Variants in EHD3 observed in about 807,000 individuals in gnomAD.
EHD3 encodes EH domain-containing protein 3.
A neutral mutation model predicts 43.0 loss-of-function variants in EHD3; 17 were observed. That is an observed-to-expected ratio of 0.40 (90% CI 0.27 to 0.59). The LOEUF (loss-of-function observed/expected upper bound fraction) is 0.59. Among genes scored for constraint, EHD3 ranks in the 20% least tolerant of loss-of-function variants. The pLI is 0.49. For synonymous variants in EHD3, 313 were observed against 289.5 expected, an observed-to-expected ratio of 1.08 and a Z score of -0.82; for missense variants, 594 against 705.6, an observed-to-expected ratio of 0.84 and a Z score of 1.79.
At chr2:31,265,272 G>A (rs672734) in intron 5 of EHD3, among the ~76,000 whole-genome samples, 17,898 of 152,144 alleles carry the variant, frequency 0.12, 1,138 homozygotes, top group African/African-American at 0.13. Context: ...TAACATAGCC[G>A]TTATCATTAT....
Position 31,235,721 on chromosome 2 carries a change from A to G in EHD3, c.227+873A>G, listed in dbSNP as rs565158959. On this transcript the variant is annotated intron_variant, in intron 1 of 5. Coordinates refer to ENST00000322054, the MANE Select transcript of EHD3 (RefSeq NM_014600.3). ...GTCATCCATTCCCTTCAATTACAGA[A>G]TCCTTGGGCTGGAGGGAGGCTCAAG... is the stretch of plus-strand genomic sequence containing the variant. Among the ~76,000 whole-genome samples the G allele has an allele frequency of 1.8e-4, 27 of 152,298 alleles. 1 individual carries two copies. The Middle Eastern group carries it at 0.027, about 153-fold the overall frequency.
intron 1 of EHD3, among the ~76,000 whole-genome samples, chr2:31,241,469 A>C (rs1240301881): frequency 6.6e-6 from 1 of 152,200 alleles, no homozygotes. Flanking sequence ...TAGGTAATTT[A>C]AGGTACTGGT....
chr2:31,243,460 C>CTTTTTTTTTTT (rs1309146980), intron 1 of EHD3, among the ~76,000 whole-genome samples: 1,192 of 98,204 alleles, frequency 0.012, 22 homozygotes, highest in East Asian at 0.014. Context: ...TTCTTTCTTT[C>CTTTTTTTTTTT]TTTTTTTTTT....
rs1295245920 is a variant in EHD3 at position 31,266,058 on chromosome 2, T to A, written c.1081-119T>A. ...ATCAGCTGAGCCTCTAGGTCACAGG[T>A]CTTTCATTGTAGAAAGGGATCAGCT... On this transcript the variant is annotated intron_variant, in intron 5 of 5. Coordinates refer to ENST00000322054, the MANE Select transcript of EHD3 (RefSeq NM_014600.3). This position sits in a 1 kb window ranked among gnomAD's most constrained non-coding sequence, Gnocchi z 5.1. 14 of 1,291,078 alleles carry A rather than the reference T, an allele frequency of 1.1e-5. No individual in the cohort carries two copies. Among genetic ancestry groups the A allele is most frequent in the Non-Finnish European group, 1.4e-5 (13 of 951,942 alleles). The allele number at this position is 1,291,078 out of a possible 1,614,324, so 80.0% of individuals were successfully genotyped here. A position where few individuals can be genotyped will look rare whatever the true frequency, so the allele number is the denominator to read the frequency against.
At chr2:31,259,805 T>A (rs1296507035) in intron 3 of EHD3, among the ~76,000 whole-genome samples, 2 of 152,214 alleles carry the variant, frequency 1.3e-5, no homozygotes, top group African/African-American at 4.8e-5. Flanking sequence ...TTGTGTCAGA[T>A]TAGGTGTCCA....
At chr2:31,247,353 CAA>C (rs11286751) in intron 2 of EHD3, among the ~76,000 whole-genome samples, 13,067 of 149,248 alleles carry the variant, frequency 0.088, 687 homozygotes, top group South Asian at 0.16. Context: ...ATATATTTTA[CAA>C]AAAAAAAAAT....
At chr2:31,239,884 T>G (rs1430745337) in intron 1 of EHD3, among the ~76,000 whole-genome samples, 2 of 151,886 alleles carry the variant, frequency 1.3e-5, no homozygotes, top group Middle Eastern at 3.2e-3. Context: ...CTCAGGAAGG[T>G]GCGGGAAGGC....
At chr2:31,259,309 G>A (rs1300666301) in intron 3 of EHD3, among the ~76,000 whole-genome samples, 3 of 152,250 alleles carry the variant, frequency 2.0e-5, no homozygotes, top group East Asian at 1.9e-4. Flanking sequence ...TGTGCCCTTC[G>A]ACAAATCACT....
intron 3 of EHD3, among the ~76,000 whole-genome samples, chr2:31,250,737 C>T (rs966685287): frequency 1.3e-4 from 20 of 152,154 alleles, no homozygotes; most frequent in South Asian, 4.1e-4. Context: ...AATCAGATGA[C>T]GCCATGCCCA....
rs765621773 is a variant in EHD3 at position 31,260,716 on chromosome 2, A to T, written c.709A>T (p.Met237Leu). The T allele has an allele frequency of 6.2e-7, 1 of 1,614,144 alleles. No homozygotes were observed. The highest frequency in any genetic ancestry group is 8.5e-7 in the Non-Finnish European group (1 of 1,180,012). ...GCTGATGCGGGTGTACGGGGCCCTC[A>T]TGTGGTCCTTGGGGAAGATCGTGAA... ...QQLMRVYGALMWSLGKIVNTP... is the reference protein window; with the variant it reads ...QQLMRVYGALLWSLGKIVNTP... Residue 237 changes from methionine to leucine, a missense_variant, in exon 4 of 6, where the codon ATG (methionine) becomes TTG (leucine). Transcript: ENST00000322054. This position sits in a 1 kb window ranked among gnomAD's most constrained non-coding sequence, Gnocchi z 4.6.
chr2:31,261,519 T>G, intron 4 of EHD3, 30 bp from the exon 5 acceptor site: 1 of 1,613,226 alleles, frequency 6.2e-7, no homozygotes, highest in African/African-American at 1.3e-5. Flanking sequence ...GGTCTTGATG[T>G]GAAGGCTTCT....
intron 5 of EHD3, among the ~76,000 whole-genome samples, chr2:31,262,462 A>G (rs1466430251): frequency 1.3e-5 from 2 of 152,200 alleles, no homozygotes; most frequent in Non-Finnish European, 2.9e-5. Context: ...AGGTGTTGTG[A>G]GCATCAGTGA....
chr2:31,264,352 C>T (rs913933321), intron 5 of EHD3, among the ~76,000 whole-genome samples: 1 of 152,080 alleles, frequency 6.6e-6, no homozygotes, highest in African/African-American at 2.4e-5. Context: ...ATGGAGCTTG[C>T]AGAACTGGAA....
chr2:31,263,998 C>T (rs1344698258), intron 5 of EHD3, among the ~76,000 whole-genome samples: 2 of 152,172 alleles, frequency 1.3e-5, no homozygotes, highest in East Asian at 3.9e-4. Flanking sequence ...ATCGGCATGC[C>T]CACCTGCCTG....
chr2:31,251,633 G>A lies in EHD3; in HGVS notation c.502+2165G>A, dbSNP rs548970147. 4.0e-4 allele frequency among the ~76,000 whole-genome samples: 61 copies of A among 152,224 alleles called. 1 individual carries two copies. The highest frequency in any genetic ancestry group is 1.4e-3 in the African/African-American group (58 of 41,526). On this transcript the variant is annotated intron_variant, in intron 3 of 5. Transcript: ENST00000322054. ...ACATCACAGTGTCACCTGGGAAGGG[G>A]GTCTTGGAAGACTTGATCTCCTGGC...
rs370390199 is a variant in EHD3, at chr2:31,260,489, T to C, written c.503-21T>C. On this transcript the variant is annotated intron_variant, in intron 3 of 5. Coordinates refer to ENST00000322054, the MANE Select transcript of EHD3 (RefSeq NM_014600.3). The surrounding 1 kb of genome is among the most constrained non-coding windows in gnomAD (Gnocchi z 4.6). ...CCTATACCCCAAAGGCCCCAGCCCC[T>C]GATTGTCCCTCTGCCGGCAGGGTAT... is the stretch of plus-strand genomic sequence containing the variant. 7.4e-5 allele frequency: 116 copies of C among 1,575,932 alleles called. No homozygotes were observed. The African/African-American group carries it at 1.4e-3, about 20-fold the overall frequency.
At position 31,234,602 on chromosome 2, in the gene EHD3, G is replaced by A. The variant is rs373567800; in HGVS notation, c.-20G>A. 5.6e-6 allele frequency: 9 copies of A among 1,612,036 alleles called. No individual in the cohort carries two copies. The African/African-American group carries it at 8.0e-5, about 14-fold the overall frequency. On this transcript the variant is annotated 5_prime_UTR_variant, in exon 1 of 6. Transcript: ENST00000322054. ...GAGTCTTCCCCTGGGGCTGCGTGCC[G>A]GGGGCGAGCGGCGGCCGCGATGTTC...
intron 1 of EHD3, among the ~76,000 whole-genome samples, chr2:31,236,187 T>G (rs1235129477): frequency 6.6e-6 from 1 of 152,242 alleles, no homozygotes; most frequent in East Asian, 1.9e-4. Context: ...TAATAGGTCA[T>G]GTCTAAACAC....
chr2:31,257,656 C>T (rs1164062101), intron 3 of EHD3, among the ~76,000 whole-genome samples: 3 of 152,188 alleles, frequency 2.0e-5, no homozygotes, highest in Non-Finnish European at 4.4e-5. Context: ...AACATCTTAC[C>T]GTCTGCAGCA....
Sources: allele counts gnomAD v4.1 joint callset (sites outside exome capture counted in the v4.1 genomes callset), GRCh38; gene constraint gnomAD v4.1.1; non-coding constraint Gnocchi (gnomAD v3.1); transcripts MANE v1.5; gene names NCBI Gene and HGNC (gene_info 2026-07-23, HGNC 2026-07-21).